The following ALCAM variants were observed in gnomAD, a reference collection of about 807,000 sequenced individuals.
ALCAM encodes the protein activated leukocyte cell adhesion molecule, also known as CD166 antigen.
A neutral mutation model predicts 70.9 loss-of-function variants in ALCAM; 30 were observed. That is an observed-to-expected ratio of 0.42 (90% CI 0.32 to 0.57). The LOEUF is 0.57. Ranked by LOEUF, ALCAM falls within the 20% of genes least tolerant of loss-of-function variation. The pLI is 0.11. For missense variants in ALCAM, 591 were observed against 695.1 expected (o/e 0.85, Z 1.68); for synonymous variants, 249 against 242.5 (o/e 1.03, Z -0.25).
intron 3 of ALCAM, chr3:105,525,398 C>T (rs940689742): frequency 1.2e-5 from 12 of 962,282 alleles, no homozygotes; most frequent in Middle Eastern, 1.1e-3. Flanking sequence ...TAAAAAGTCC[C>T]GCCTCTATTA....
intron 5 of ALCAM, 122 bp from the exon 6 acceptor site, chr3:105,534,541 T>C: frequency 1.1e-6 from 1 of 899,748 alleles, no homozygotes; most frequent in Admixed American, 2.2e-5. Flanking sequence ...ATGTCAATTT[T>C]CTCTCCTGCT....
At chr3:105,524,562 A>T in intron 3 of ALCAM, 54 bp downstream of exon 3, 3 of 1,604,552 alleles carry the variant, frequency 1.9e-6, no homozygotes, top group Non-Finnish European at 2.6e-6. Flanking sequence ...CCAGTACCAG[A>T]CCATGTTCTT....
chr3:105,465,988 G>T (rs1182393192), intron 1 of ALCAM, among the ~76,000 whole-genome samples: 1 of 151,366 alleles, frequency 6.6e-6, no homozygotes, highest in African/African-American at 2.4e-5. Context: ...TTTCTAAATT[G>T]TCATCTACTC....
intron 1 of ALCAM, among the ~76,000 whole-genome samples, chr3:105,466,092 A>G (rs1029617767): frequency 7.9e-5 from 12 of 151,438 alleles, no homozygotes; most frequent in Non-Finnish European, 1.8e-4. Flanking sequence ...AATTTATTGT[A>G]CCATTTATTT....
chr3:105,388,189 C>T (rs1160236428), intron 1 of ALCAM, among the ~76,000 whole-genome samples: 1 of 151,386 alleles, frequency 6.6e-6, no homozygotes, highest in African/African-American at 2.4e-5. Context: ...ATAAATAGAG[C>T]AATTAGATTT....
intron 1 of ALCAM, among the ~76,000 whole-genome samples, chr3:105,466,512 AT>A (rs1334771576): frequency 2.0e-5 from 3 of 150,990 alleles, no homozygotes; most frequent in Admixed American, 6.6e-5. Flanking sequence ...TCTTTCTGGA[AT>A]TTTTTTTTAA....
intron 1 of ALCAM, among the ~76,000 whole-genome samples, chr3:105,462,089 A>G (rs1419860720): frequency 6.6e-6 from 1 of 151,728 alleles, no homozygotes; most frequent in Non-Finnish European, 1.5e-5. Flanking sequence ...ATATTTCTAG[A>G]AGCAAATGAG....
At chr3:105,571,684 C>G (rs645676) in intron 14 of ALCAM, among the ~76,000 whole-genome samples, 168 bp from the exon 15 acceptor site, 147,191 of 152,268 alleles carry the variant, frequency 0.97, 71,319 homozygotes, top group East Asian at 1. Context: ...AATTTCAGTA[C>G]AATGTGCTCC....
At chr3:105,560,901 A>G (rs1231811232) in intron 14 of ALCAM, among the ~76,000 whole-genome samples, 1 of 152,204 alleles carries the variant, frequency 6.6e-6, no homozygotes, top group Non-Finnish European at 1.5e-5. Context: ...GCATGTTCAT[A>G]TAAATTTTAG....
intron 14 of ALCAM, among the ~76,000 whole-genome samples, chr3:105,571,456 A>G (rs1327449623): frequency 1.3e-5 from 2 of 152,230 alleles, no homozygotes; most frequent in African/African-American, 4.8e-5. Context: ...GAACACCAGA[A>G]GGGAACGCGC....
At chr3:105,454,748 A>G (rs1321423576) in intron 1 of ALCAM, among the ~76,000 whole-genome samples, 1 of 133,034 alleles carries the variant, frequency 7.5e-6, no homozygotes, top group Non-Finnish European at 1.5e-5. Context: ...CGATCACTGC[A>G]ACCTCTACCT....
chr3:105,424,089 T>G (rs1936733726), intron 1 of ALCAM, among the ~76,000 whole-genome samples: 1 of 151,656 alleles, frequency 6.6e-6, no homozygotes, highest in Admixed American at 6.6e-5. Context: ...CAGATATTAT[T>G]TATTAGGAAT....
At chr3:105,410,184 G>C (rs1458559318) in intron 1 of ALCAM, among the ~76,000 whole-genome samples, 2 of 151,968 alleles carry the variant, frequency 1.3e-5, no homozygotes, top group Non-Finnish European at 2.9e-5. Flanking sequence ...TTTTGATGCT[G>C]TAACAGAACC....
chr3:105,499,527 T>C (rs897233780), intron 1 of ALCAM, among the ~76,000 whole-genome samples: 1 of 152,248 alleles, frequency 6.6e-6, no homozygotes, highest in Admixed American at 6.5e-5. Context: ...AAGAGTCCTT[T>C]AATCTTATCT....
chr3:105,407,532 T>C (rs1221833913), intron 1 of ALCAM, among the ~76,000 whole-genome samples: 1 of 151,964 alleles, frequency 6.6e-6, no homozygotes, highest in Non-Finnish European at 1.5e-5. Flanking sequence ...CCTTTATTAT[T>C]AAAGCCCTCA....
At chr3:105,428,820 T>A (rs73181374) in intron 1 of ALCAM, among the ~76,000 whole-genome samples, 15,577 of 151,928 alleles carry the variant, frequency 0.1, 999 homozygotes, top group Middle Eastern at 0.17. Flanking sequence ...AGAAAAACAA[T>A]GTGGTGCTAC....
chr3:105,453,102 T>C (rs563172868), intron 1 of ALCAM, among the ~76,000 whole-genome samples: 1 of 152,348 alleles, frequency 6.6e-6, no homozygotes, highest in South Asian at 2.1e-4. Flanking sequence ...CAATTTTGGC[T>C]TTTGTTGCAA....
chr3:105,554,046 A>T (rs1940467248), intron 14 of ALCAM, among the ~76,000 whole-genome samples: 1 of 151,788 alleles, frequency 6.6e-6, no homozygotes, highest in South Asian at 2.1e-4. Flanking sequence ...CCACACCAAT[A>T]CTTGGTATAC....
At chr3:105,542,144 T>A (rs1449712301) in intron 8 of ALCAM, among the ~76,000 whole-genome samples, 3 of 151,872 alleles carry the variant, frequency 2.0e-5, no homozygotes, top group African/African-American at 7.2e-5. Flanking sequence ...ATCATTTGTG[T>A]TACAGAATAA....
Sources: gnomAD v4.1 joint callset for allele counts (sites outside exome capture counted in the v4.1 genomes callset) on GRCh38, gnomAD v4.1.1 for gene constraint, MANE v1.5 for transcripts, NCBI Gene and HGNC (gene_info 2026-07-23, HGNC 2026-07-21) for gene names.